Variants in TENM3 observed in about 807,000 individuals in gnomAD.
TENM3 encodes teneurin transmembrane protein 3.
Under a neutral mutation model 255.1 loss-of-function variants are expected in TENM3, and 63 were observed. That is an observed-to-expected ratio of 0.25 (90% CI 0.20 to 0.30). TENM3 has a LOEUF of 0.30. Among genes scored for constraint, TENM3 ranks in the 10% least tolerant of loss-of-function variants. The probability of loss-of-function intolerance (pLI) is 1.00; values close to 1 mark genes in which losing one functional copy is unlikely to be tolerated. For synonymous variants in TENM3, 1,306 were observed against 1,322.3 expected, an observed-to-expected ratio of 0.99 and a Z score of 0.27; for missense variants, 2,929 against 3,461.1, an observed-to-expected ratio of 0.85 and a Z score of 3.86.
At chr4:181,800,169 G>A in the TENM3 span, among the ~76,000 whole-genome samples, 1 of 152,256 alleles carries the variant, frequency 6.6e-6, no homozygotes, top group South Asian at 2.1e-4. Context: ...TGGGAGCCAC[G>A]TGTTTGCAAA....
the TENM3 span, among the ~76,000 whole-genome samples, chr4:181,803,936 CAACAAA>C: frequency 3.1e-4 from 3 of 9,780 alleles, no homozygotes; most frequent in Non-Finnish European, 2.7e-4. Flanking sequence ...CTTATTATCT[CAACAAA>C]AAAAAAAAAA....
At chr4:182,094,369 C>A in the TENM3 span, among the ~76,000 whole-genome samples, 1 of 152,162 alleles carries the variant, frequency 6.6e-6, no homozygotes, top group South Asian at 2.1e-4. Context: ...CCTCAGCCTC[C>A]CGAGTAGCTG....
At chr4:182,399,412 A>G (rs1769075622) in intron 3 of TENM3, among the ~76,000 whole-genome samples, 1 of 152,204 alleles carries the variant, frequency 6.6e-6, no homozygotes, top group Admixed American at 6.5e-5. Flanking sequence ...AGCTGCTAGC[A>G]GTGGCTACCT....
chr4:182,188,695 C>T (rs9993421), intron 1 of TENM3, among the ~76,000 whole-genome samples: 7,094 of 152,084 alleles, frequency 0.047, 349 homozygotes, highest in African/African-American at 0.11. Flanking sequence ...TCACATGGTC[C>T]GGGTATCAAA....
chr4:182,589,372 T>C (rs1269967587), intron 3 of TENM3, among the ~76,000 whole-genome samples: 1 of 152,072 alleles, frequency 6.6e-6, no homozygotes, highest in East Asian at 1.9e-4. Flanking sequence ...ACTACATTTT[T>C]CCTATGTACA....
chr4:181,963,344 C>G, the TENM3 span, among the ~76,000 whole-genome samples: 1 of 152,180 alleles, frequency 6.6e-6, no homozygotes, highest in African/African-American at 2.4e-5. Context: ...ACTTCTCTTT[C>G]CCTTTTCCCT....
the TENM3 span, among the ~76,000 whole-genome samples, chr4:181,800,791 A>G: frequency 6.6e-6 from 1 of 152,164 alleles, no homozygotes; most frequent in Admixed American, 6.5e-5. Flanking sequence ...TGAGTTATTT[A>G]TATTAAGCAC....
intron 2 of TENM3, among the ~76,000 whole-genome samples, chr4:182,342,164 G>T (rs1037651499): frequency 2.6e-5 from 4 of 152,164 alleles, no homozygotes; most frequent in African/African-American, 9.7e-5. Flanking sequence ...GAAGACATAT[G>T]TACGCATGAA....
intron 16 of TENM3, among the ~76,000 whole-genome samples, chr4:182,733,586 C>A (rs1018213624): frequency 3.3e-5 from 5 of 151,976 alleles, no homozygotes; most frequent in Admixed American, 6.6e-5. Flanking sequence ...ATTTGGGAGT[C>A]ATTCGCATAT....
At chr4:182,590,861 A>C (rs1746569488) in intron 3 of TENM3, among the ~76,000 whole-genome samples, 1 of 151,866 alleles carries the variant, frequency 6.6e-6, no homozygotes, top group African/African-American at 2.4e-5. Flanking sequence ...AGAAAAAAAA[A>C]AACAAAAAAC....
intron 3 of TENM3, among the ~76,000 whole-genome samples, chr4:182,371,289 G>C (rs1766793628): frequency 1.3e-5 from 2 of 149,426 alleles, no homozygotes; most frequent in South Asian, 4.3e-4. Context: ...ATGCACTGTT[G>C]ATGTTGGTAC....
At chr4:182,047,323 G>A in the TENM3 span, among the ~76,000 whole-genome samples, 2 of 151,994 alleles carry the variant, frequency 1.3e-5, no homozygotes, top group African/African-American at 2.4e-5. Flanking sequence ...CAGCACTTTG[G>A]GAGGCCGAGG....
chr4:182,633,249 A>C (rs1379354074), intron 5 of TENM3, among the ~76,000 whole-genome samples: 1 of 152,154 alleles, frequency 6.6e-6, no homozygotes, highest in African/African-American at 2.4e-5. Flanking sequence ...ATTTTTAAAA[A>C]TGTTCTTCAA....
chr4:182,373,660 C>T (rs1032258471), intron 3 of TENM3, among the ~76,000 whole-genome samples: 21 of 152,128 alleles, frequency 1.4e-4, no homozygotes, highest in Non-Finnish European at 2.2e-4. Flanking sequence ...GGCTCCACCT[C>T]CAACATTGGG....
the TENM3 span, among the ~76,000 whole-genome samples, chr4:181,612,527 A>T: frequency 8.5e-4 from 119 of 140,360 alleles, 1 homozygote; most frequent in Middle Eastern, 3.8e-3. Flanking sequence ...TGTGTGTCAG[A>T]GAGAGAGAGA....
At chr4:182,506,949 T>C (rs866187204) in intron 3 of TENM3, among the ~76,000 whole-genome samples, 4 of 152,330 alleles carry the variant, frequency 2.6e-5, no homozygotes, top group Middle Eastern at 6.8e-3. Flanking sequence ...TATCTGTGTT[T>C]AATCTTCATA....
intron 3 of TENM3, among the ~76,000 whole-genome samples, chr4:182,569,389 A>G (rs956082084): frequency 4.6e-5 from 7 of 151,998 alleles, no homozygotes; most frequent in African/African-American, 1.7e-4. Context: ...CCCTGTCTCT[A>G]CTAAAAATAC....
chr4:182,729,311 C>A, intron 14 of TENM3, 130 bp downstream of exon 14: 1 of 780,182 alleles, frequency 1.3e-6, no homozygotes, highest in Non-Finnish European at 2.0e-6. Context: ...CCTCTTTCTG[C>A]AGATTCTTCA....
At chr4:181,698,337 C>A in the TENM3 span, among the ~76,000 whole-genome samples, 1 of 152,020 alleles carries the variant, frequency 6.6e-6, no homozygotes, top group African/African-American at 2.4e-5. Flanking sequence ...ACATCTGATT[C>A]CAAAGATTTC....
Sources: allele counts gnomAD v4.1 joint callset (sites outside exome capture counted in the v4.1 genomes callset), GRCh38; gene constraint gnomAD v4.1.1; transcripts MANE v1.5; gene names NCBI Gene and HGNC (gene_info 2026-07-23, HGNC 2026-07-21).